The following RNGTT variants were observed in gnomAD, a reference collection of about 807,000 sequenced individuals.
RNGTT encodes the protein mRNA-capping enzyme.
A neutral mutation model predicts 79.3 loss-of-function variants in RNGTT; 33 were observed. The observed-to-expected ratio is 0.42, with a 90% confidence interval of 0.32 to 0.56. RNGTT has a LOEUF of 0.56. RNGTT is among the 20% of genes least tolerant of loss of function. The pLI, the probability that RNGTT is intolerant of heterozygous loss-of-function variation, is 0.17. For synonymous variants in RNGTT, 222 were observed against 235.9 expected (o/e 0.94, Z 0.54); for missense variants, 497 against 739.1 (o/e 0.67, Z 3.80).
chr6:88,857,159 A>G (rs1781870167), intron 8 of RNGTT, among the ~76,000 whole-genome samples: 1 of 152,114 alleles, frequency 6.6e-6, no homozygotes, highest in Non-Finnish European at 1.5e-5. Context: ...TGAGATATAT[A>G]ATTAAGTAAA....
At chr6:88,676,277 A>G (rs1774871570) in intron 14 of RNGTT, among the ~76,000 whole-genome samples, 1 of 152,318 alleles carries the variant, frequency 6.6e-6, no homozygotes, top group African/African-American at 2.4e-5. Flanking sequence ...GATTTTCAAC[A>G]AAGCTGTAAG....
chr6:88,612,067 A>C lies in RNGTT; in HGVS notation c.*652T>G, dbSNP rs1005760043. ...CGAAACAATACAAACAGATGAAAAT[A>C]CTCAAAATACTTCCTTTAGAAACAA... On this transcript the variant is annotated 3_prime_UTR_variant, in exon 16 of 16. Transcript: ENST00000369485. 6.6e-6 allele frequency: 1 copy of C among 152,524 alleles called. No individual in the cohort carries two copies. Among genetic ancestry groups the C allele is most frequent in the Non-Finnish European group, 1.5e-5 (1 of 68,038 alleles). 9.4% of individuals were successfully genotyped at this position (152,524 alleles called of 1,614,324 possible).
chr6:88,651,110 TA>T (rs555706218), intron 14 of RNGTT, among the ~76,000 whole-genome samples: 7 of 148,478 alleles, frequency 4.7e-5, no homozygotes, highest in Non-Finnish European at 6.0e-5. Context: ...CTTTTTATGT[TA>T]AAAAAAAAAC....
chr6:88,776,489 T>A (rs28785268), intron 12 of RNGTT, among the ~76,000 whole-genome samples: 20,833 of 151,540 alleles, frequency 0.14, 1,566 homozygotes, highest in Middle Eastern at 0.24. Context: ...CCAGCTAATT[T>A]TGCATTTTTT....
chr6:88,694,103 C>T (rs1442830252), intron 13 of RNGTT, among the ~76,000 whole-genome samples: 2 of 152,034 alleles, frequency 1.3e-5, no homozygotes, highest in African/African-American at 2.4e-5. Flanking sequence ...CTTGCTGGAG[C>T]AAGTAGGCAA....
intron 8 of RNGTT, among the ~76,000 whole-genome samples, chr6:88,867,162 C>T (rs553133749): frequency 4.6e-4 from 70 of 152,182 alleles, no homozygotes; most frequent in Admixed American, 7.9e-4. Context: ...CTCAAGCCAC[C>T]CTTAACACTC....
intron 13 of RNGTT, among the ~76,000 whole-genome samples, chr6:88,704,350 T>C (rs1776059277): frequency 6.6e-6 from 1 of 151,994 alleles, no homozygotes; most frequent in Non-Finnish European, 1.5e-5. Context: ...TTTATTGATT[T>C]TGTTTAATTA....
intron 13 of RNGTT, among the ~76,000 whole-genome samples, chr6:88,689,198 T>C (rs1157323782): frequency 6.6e-6 from 1 of 152,092 alleles, no homozygotes; most frequent in East Asian, 1.9e-4. Flanking sequence ...TCCCAGCACT[T>C]TGGGAGGCCA....
chr6:88,789,658 C>G (rs1779340995), intron 12 of RNGTT, among the ~76,000 whole-genome samples: 1 of 152,202 alleles, frequency 6.6e-6, no homozygotes, highest in Non-Finnish European at 1.5e-5. Context: ...ATTAATGTAA[C>G]ACAGCAGAAT....
intron 12 of RNGTT, among the ~76,000 whole-genome samples, chr6:88,772,560 C>T (rs1297524051): frequency 2.6e-5 from 4 of 151,784 alleles, no homozygotes; most frequent in East Asian, 1.9e-4. Flanking sequence ...AGAAAATTTT[C>T]GCAACCTATT....
At chr6:88,830,494 C>A (rs1427156936) in intron 11 of RNGTT, among the ~76,000 whole-genome samples, 2 of 151,900 alleles carry the variant, frequency 1.3e-5, no homozygotes, top group African/African-American at 2.4e-5. Context: ...TAAATCAACA[C>A]CCTAACATCA....
In RNGTT at chr6:88,610,529, A is replaced by G. The variant is rs1040063628; in HGVS notation, c.*2190T>C. On this transcript the variant is annotated 3_prime_UTR_variant, in exon 16 of 16. Transcript: ENST00000369485. ...AGCTGAGAAGGAGCACATTTCCTTCACAATGTCCAAAATCCTGCCTCTAGA... is the reference window on the plus strand; with the variant it reads ...AGCTGAGAAGGAGCACATTTCCTTCGCAATGTCCAAAATCCTGCCTCTAGA... 8 of 152,240 alleles carry G rather than the reference A, an allele frequency of 5.3e-5. No homozygotes were observed. Among genetic ancestry groups the G allele is most frequent in the Admixed American group, 4.6e-4 (7 of 15,286 alleles). The allele number at this position is 152,240 out of a possible 1,614,324, so 9.4% of individuals were successfully genotyped here.
At chr6:88,616,997 G>A (rs191146387) in intron 14 of RNGTT, among the ~76,000 whole-genome samples, 12 of 152,328 alleles carry the variant, frequency 7.9e-5, no homozygotes, top group African/African-American at 2.6e-4. Context: ...TCCTGGCCGG[G>A]CACAGTGGCT....
chr6:88,895,686 C>T (rs1304095054), intron 6 of RNGTT, among the ~76,000 whole-genome samples: 1 of 152,162 alleles, frequency 6.6e-6, no homozygotes, highest in African/African-American at 2.4e-5. Context: ...CCTCTGTTAA[C>T]TATCTTCAAC....
At chr6:88,628,464 T>C (rs1772720311) in intron 14 of RNGTT, among the ~76,000 whole-genome samples, 1 of 152,192 alleles carries the variant, frequency 6.6e-6, no homozygotes, top group Non-Finnish European at 1.5e-5. Context: ...AACATTCACA[T>C]ATTGGGGTGT....
At chr6:88,953,591 T>A (rs1785329324) in intron 1 of RNGTT, among the ~76,000 whole-genome samples, 1 of 152,134 alleles carries the variant, frequency 6.6e-6, no homozygotes, top group South Asian at 2.1e-4. Context: ...TTGCTAGAGA[T>A]CTAGACATCC....
rs560034330 is a variant in RNGTT at position 88,951,280 on chromosome 6, A to C, written c.65-10100T>G. On this transcript the variant is annotated intron_variant, in intron 1 of 15. Transcript: ENST00000369485. ...TGAGCAAAGTGGTTTCCTGATATGG[A>C]ATCTAGCCCCAGTTAAGATGTGAAT... 4.9e-4 allele frequency among the ~76,000 whole-genome samples: 75 copies of C among 152,302 alleles called. 1 individual carries two copies. In the South Asian group the frequency reaches 0.014, roughly 29 times the overall value.
chr6:88,705,565 T>C lies in RNGTT; in HGVS notation c.1440-27146A>G, dbSNP rs567018697. On this transcript the variant is annotated intron_variant, in intron 13 of 15. Transcript: ENST00000369485. The stretch of plus-strand genomic sequence containing the variant: ...ATGAAGCATAAATAGAAATATGTAA[T>C]GAAGAAGCTTAACAGCTTCCTAAAA... Among the ~76,000 whole-genome samples the C allele has an allele frequency of 7.2e-5, 11 of 152,234 alleles. No individual in the cohort carries two copies. The East Asian group carries it at 2.1e-3, about 29-fold the overall frequency.
chr6:88,778,081 T>C (rs1778949082), intron 12 of RNGTT, among the ~76,000 whole-genome samples: 1 of 152,196 alleles, frequency 6.6e-6, no homozygotes, highest in African/African-American at 2.4e-5. Context: ...GTTACTGTGG[T>C]ATATCATATT....
Sources: gnomAD v4.1 joint callset for allele counts (sites outside exome capture counted in the v4.1 genomes callset) on GRCh38, gnomAD v4.1.1 for gene constraint, MANE v1.5 for transcripts, NCBI Gene and HGNC (gene_info 2026-07-23, HGNC 2026-07-21) for gene names.